The following BCCIP variants were observed in gnomAD, a reference collection of about 807,000 sequenced individuals.
BCCIP encodes BRCA2 and CDKN1A-interacting protein.
A neutral mutation model predicts 32.8 loss-of-function variants in BCCIP; 23 were observed. The ratio of observed to expected loss-of-function variants is 0.70; its 90% CI spans 0.51 to 0.99. BCCIP has a LOEUF of 0.99. Among genes scored for constraint, BCCIP ranks in the 50% least tolerant of loss-of-function variants. The pLI, the probability that BCCIP is intolerant of heterozygous loss-of-function variation, is 0.00. For missense variants in BCCIP, 378 were observed against 379.8 expected (o/e 1.00, Z 0.04); for synonymous variants, 144 against 137.6 (o/e 1.05, Z -0.33).
chr10:125,835,005 T>C (rs1033937067), intron 6 of BCCIP, among the ~76,000 whole-genome samples: 26 of 151,422 alleles, frequency 1.7e-4, no homozygotes, highest in South Asian at 6.3e-4. Flanking sequence ...TGGTGGCACG[T>C]GCCTGTAGTC....
chr10:125,841,035 A>G, downstream of BCCIP: 1 of 1,577,556 alleles, frequency 6.3e-7, no homozygotes, highest in Non-Finnish European at 8.6e-7. Context: ...GCAATAATGA[A>G]GACATTTTAT....
rs1351212356 is a variant in BCCIP at position 125,836,288 on chromosome 10, G to GAC, written c.*16_*17dup. The GAC allele has an allele frequency of 2.0e-5, 32 of 1,614,088 alleles. No homozygotes were observed. The highest frequency in any genetic ancestry group is 2.7e-5 in the Non-Finnish European group (32 of 1,180,018). On this transcript the variant is annotated 3_prime_UTR_variant, in exon 7 of 7. Coordinates refer to ENST00000278100, the MANE Select transcript of BCCIP (RefSeq NM_078468.3). ...CTATCTGTCTAACCCATTTCCAATG[G>GAC]ACAGTGATGGGCTTGTTTTTGTAAA... is the stretch of plus-strand genomic sequence containing the variant.
At chr10:125,824,856 T>G (rs1033798004) in intron 1 of BCCIP, among the ~76,000 whole-genome samples, 1 of 152,222 alleles carries the variant, frequency 6.6e-6, no homozygotes, top group Non-Finnish European at 1.5e-5. Context: ...GCAGCCTAGA[T>G]GGCTGGATCA....
chr10:125,836,951 T>C, downstream of BCCIP: 2 of 1,037,098 alleles, frequency 1.9e-6, no homozygotes, highest in Non-Finnish European at 2.9e-6. Flanking sequence ...CTGGAGAATC[T>C]ACCTGTAGAA....
downstream of BCCIP, among the ~76,000 whole-genome samples, chr10:125,845,207 G>A (rs1489607044): frequency 6.6e-6 from 1 of 152,202 alleles, no homozygotes; most frequent in Non-Finnish European, 1.5e-5. Context: ...TGTTCTTATA[G>A]ATGTCAGATG....
At chr10:125,841,781 C>T in exon 7 of BCCIP, 1 of 1,612,850 alleles carries the variant, frequency 6.2e-7, no homozygotes, top group Non-Finnish European at 8.5e-7. Context: ...TTCATCTACA[C>T]AGTCAAATTC....
chr10:125,835,097 C>T (rs1475764262), intron 6 of BCCIP, among the ~76,000 whole-genome samples: 1 of 151,640 alleles, frequency 6.6e-6, no homozygotes, highest in Non-Finnish European at 1.5e-5. Context: ...TGCGCCACTG[C>T]ACTCCAGCCT....
intron 1 of BCCIP, among the ~76,000 whole-genome samples, chr10:125,824,141 C>T (rs1203697894): frequency 6.6e-6 from 1 of 152,180 alleles, no homozygotes; most frequent in African/African-American, 2.4e-5. Context: ...GCTCTTGCCG[C>T]GTTCTACCGT....
At chr10:125,849,469 C>G (rs974399399) in intron 7 of BCCIP, among the ~76,000 whole-genome samples, 1 of 152,210 alleles carries the variant, frequency 6.6e-6, no homozygotes, top group Non-Finnish European at 1.5e-5. Flanking sequence ...ATGTTTGCGT[C>G]TCTTTTTCAC....
At chr10:125,838,206 A>G, downstream of BCCIP, 1 of 1,576,238 alleles carries the variant, frequency 6.3e-7, no homozygotes, top group Non-Finnish European at 8.6e-7. Flanking sequence ...TTAAACTTAC[A>G]GTTCAGGAGA....
In BCCIP at chr10:125,836,449, A is replaced by C; in HGVS notation, c.*175A>C. The C allele has an allele frequency of 7.0e-7, 1 of 1,420,878 alleles. No homozygotes were observed. Among genetic ancestry groups the C allele is most frequent in the Non-Finnish European group, 9.2e-7 (1 of 1,092,700 alleles). The allele number at this position is 1,420,878 out of a possible 1,614,324, so 88.0% of individuals were successfully genotyped here. On this transcript the variant is annotated 3_prime_UTR_variant, in exon 7 of 7. Coordinates refer to ENST00000278100, the MANE Select transcript of BCCIP (RefSeq NM_078468.3). Reference sequence around the variant, plus strand: ...ATACCAGTTTTTTAAAATTTTGGTCAAATTATGAGTGGTTGATTTAAAAAC... The same window carrying C: ...ATACCAGTTTTTTAAAATTTTGGTCCAATTATGAGTGGTTGATTTAAAAAC...
intron 7 of BCCIP, chr10:125,852,186 CCATGCTTGTGTGCATTGCTGCGCAT>C: frequency 7.2e-7 from 1 of 1,380,638 alleles, no homozygotes; most frequent in Non-Finnish European, 9.7e-7. Flanking sequence ...AACGCCCCCT[CCATGCTTGTGTGCATTGCTGCGCAT>C]CATGTGAACT....
At chr10:125,824,703 G>C (rs1854321310) in intron 1 of BCCIP, among the ~76,000 whole-genome samples, 1 of 152,076 alleles carries the variant, frequency 6.6e-6, no homozygotes, top group South Asian at 2.1e-4. Context: ...CTCCATTTTT[G>C]TTCCCCTACA....
At chr10:125,839,331 A>G (rs1854802770), downstream of BCCIP, 1 of 792,380 alleles carries the variant, frequency 1.3e-6, no homozygotes, top group Non-Finnish European at 1.9e-6. Flanking sequence ...GGAAGGCAGC[A>G]AGGACAAGGA....
rs752770026 is a variant in BCCIP, at chr10:125,830,587, A to G, written c.347A>G (p.Asn116Ser). 8 of 1,605,606 alleles carry G rather than the reference A, an allele frequency of 5.0e-6. No homozygotes were observed. Among genetic ancestry groups the G allele is most frequent in the South Asian group, 2.3e-5 (2 of 88,680 alleles). The change falls in exon 4 of 7, where the codon AAT becomes AGT. Residue 116 changes from asparagine (N) to serine (S), a missense_variant. By Grantham distance (46) the Asn-to-Ser change is conservative. Transcript: ENST00000278100. The stretch of plus-strand genomic sequence containing the variant: ...CAAACGGATGTTTCAGAAGACAGCA[A>G]TGATGATATGGATGAAGATGAGGTT... The part of the protein sequence containing the change: ...IKQTDVSEDS[N>S]DDMDEDEVFG...
At chr10:125,827,683 T>G in intron 3 of BCCIP, 45 bp downstream of exon 3, 1 of 1,419,080 alleles carries the variant, frequency 7.0e-7, no homozygotes, top group Non-Finnish European at 9.9e-7. Context: ...GAGTTCTTTA[T>G]TCTGTTCATG....
At chr10:125,837,316 T>G (rs1472513109), downstream of BCCIP, among the ~76,000 whole-genome samples, 4 of 152,208 alleles carry the variant, frequency 2.6e-5, no homozygotes, top group African/African-American at 7.2e-5. Context: ...GCTGGAATAG[T>G]AGTGGAACCT....
At chr10:125,842,948 T>C (rs1854922126), downstream of BCCIP, 1 of 249,538 alleles carries the variant, frequency 4.0e-6, no homozygotes, top group Non-Finnish European at 6.4e-6. Flanking sequence ...AGGCTATATA[T>C]AGATTGGTGC....
chr10:125,830,767 T>G, intron 4 of BCCIP, 116 bp downstream of exon 4: 1 of 670,476 alleles, frequency 1.5e-6, no homozygotes, highest in Non-Finnish European at 2.6e-6. Flanking sequence ...TAGGGATAAG[T>G]GCTCTTGTGA....
Sources: allele counts gnomAD v4.1 joint callset (sites outside exome capture counted in the v4.1 genomes callset), GRCh38; gene constraint gnomAD v4.1.1; transcripts MANE v1.5; gene names NCBI Gene and HGNC (gene_info 2026-07-23, HGNC 2026-07-21).